Variants in MINAR1 observed in about 807,000 individuals in gnomAD.
The protein encoded by MINAR1 is membrane integral NOTCH2 associated receptor 1, also known as major intrinsically disordered Notch2-binding receptor 1.
In MINAR1, 40 loss-of-function variants were observed where a neutral mutation model predicts 65.1. That is an observed-to-expected ratio of 0.61 (90% confidence interval 0.48 to 0.80). The LOEUF (loss-of-function observed/expected upper bound fraction) is 0.80, where lower values mean the gene tolerates loss of function less well. Ranked by LOEUF, MINAR1 falls within the 30% of genes least tolerant of loss-of-function variation. The pLI is 0.00. For synonymous variants in MINAR1, 482 were observed against 449.1 expected (o/e 1.07, Z -0.93); for missense variants, 1,128 against 1,148.0 (o/e 0.98, Z 0.25).
chr15:79,422,104 T>C, the MINAR1 span: 1 of 152,292 alleles, frequency 6.6e-6, no homozygotes, highest in Non-Finnish European at 1.5e-5. Flanking sequence ...TCACCTCATA[T>C]GACCTTGTGA....
intron 1 of MINAR1, among the ~76,000 whole-genome samples, chr15:79,452,013 G>A (rs1275577893): frequency 6.6e-6 from 1 of 151,934 alleles, no homozygotes; most frequent in African/African-American, 2.4e-5. Context: ...GAGATTGTGA[G>A]TGAGCCTGTG....
intron 1 of MINAR1, among the ~76,000 whole-genome samples, chr15:79,436,016 G>C (rs1432839885): frequency 6.6e-6 from 1 of 152,192 alleles, no homozygotes; most frequent in African/African-American, 2.4e-5. Flanking sequence ...AGAGTCAGCA[G>C]GTGCCTCACC....
At chr15:79,416,039 A>G in the MINAR1 span, 1 of 152,264 alleles carries the variant, frequency 6.6e-6, no homozygotes, top group Non-Finnish European at 1.5e-5. Context: ...AATACACAGT[A>G]TATGATTCCT....
chr15:79,453,292 G>C (rs75567965), intron 1 of MINAR1, among the ~76,000 whole-genome samples: 1 of 152,024 alleles, frequency 6.6e-6, no homozygotes, highest in East Asian at 1.9e-4. Context: ...CCTGGCATGC[G>C]ATTGAGCCTA....
intron 3 of MINAR1, 22 bp downstream of exon 3, chr15:79,463,343 G>C: frequency 6.2e-7 from 1 of 1,607,512 alleles, no homozygotes; most frequent in Non-Finnish European, 8.5e-7. Context: ...ACTGTCCCTG[G>C]GTGGGGGAAG....
intron 1 of MINAR1, among the ~76,000 whole-genome samples, chr15:79,450,531 C>T (rs1248913275): frequency 6.8e-6 from 1 of 147,974 alleles, no homozygotes; most frequent in African/African-American, 2.6e-5. Flanking sequence ...AACTGTCTTC[C>T]TATTAAAAAA....
At chr15:79,440,505 T>A (rs1373236759) in intron 1 of MINAR1, among the ~76,000 whole-genome samples, 8 of 152,164 alleles carry the variant, frequency 5.3e-5, no homozygotes, top group Admixed American at 2.0e-4. Context: ...TTTGGGAAAT[T>A]GTGAGTGTTC....
intron 3 of MINAR1, among the ~76,000 whole-genome samples, chr15:79,467,202 C>T (rs1180665335): frequency 6.6e-6 from 1 of 152,060 alleles, no homozygotes; most frequent in Non-Finnish European, 1.5e-5. Flanking sequence ...GTTTTTTGAG[C>T]CTGTGTTTGT....
intron 1 of MINAR1, among the ~76,000 whole-genome samples, chr15:79,451,621 C>A (rs1395490337): frequency 6.9e-6 from 1 of 143,978 alleles, no homozygotes; most frequent in Non-Finnish European, 1.6e-5. Context: ...ATTTTCGGAT[C>A]TCTGCTGCTC....
chr15:79,413,636 G>A, the MINAR1 span: 1 of 152,238 alleles, frequency 6.6e-6, no homozygotes, highest in Admixed American at 6.5e-5. Context: ...GCTAGGTACT[G>A]GGAGGATACA....
chr15:79,463,819 G>C, intron 3 of MINAR1: 1 of 451,178 alleles, frequency 2.2e-6, no homozygotes, highest in Non-Finnish European at 4.5e-6. Flanking sequence ...CATGTTTTTT[G>C]TTCACCCACA....
chr15:79,439,494 CA>C (rs1293597669), intron 1 of MINAR1, among the ~76,000 whole-genome samples: 1 of 151,054 alleles, frequency 6.6e-6, no homozygotes, highest in East Asian at 1.9e-4. Context: ...TGGTGGCAGT[CA>C]GTCAGGGAAT....
At chr15:79,443,143 G>A (rs1894918742) in intron 1 of MINAR1, among the ~76,000 whole-genome samples, 1 of 152,202 alleles carries the variant, frequency 6.6e-6, no homozygotes. Context: ...CACGGGAGCT[G>A]CACTTAGAAA....
intron 2 of MINAR1, among the ~76,000 whole-genome samples, chr15:79,459,421 G>T (rs1457239368): frequency 6.6e-6 from 1 of 152,194 alleles, no homozygotes; most frequent in Non-Finnish European, 1.5e-5. Flanking sequence ...AGGGTGGTTT[G>T]TTTCTATGGG....
At chr15:79,461,929 C>T (rs1895657610) in intron 2 of MINAR1, among the ~76,000 whole-genome samples, 1 of 152,238 alleles carries the variant, frequency 6.6e-6, no homozygotes, top group Admixed American at 6.5e-5. Flanking sequence ...AGGTCACACA[C>T]ATACACGTGT....
chr15:79,448,405 C>T (rs1325365449), intron 1 of MINAR1, among the ~76,000 whole-genome samples: 2 of 152,168 alleles, frequency 1.3e-5, no homozygotes, highest in Non-Finnish European at 2.9e-5. Flanking sequence ...TTAGAGGTGA[C>T]ACAAACAATG....
At chr15:79,442,391 G>C (rs1242295534) in intron 1 of MINAR1, among the ~76,000 whole-genome samples, 1 of 151,732 alleles carries the variant, frequency 6.6e-6, no homozygotes, top group East Asian at 1.9e-4. Context: ...TATATTGACT[G>C]TTTATCTATA....
Position 79,459,053 on chromosome 15 carries a change from G to A in MINAR1, c.2298+608G>A, listed in dbSNP as rs557339339. 3.3e-5 allele frequency among the ~76,000 whole-genome samples: 5 copies of A among 152,276 alleles called. No homozygotes were observed. The South Asian group carries it at 8.3e-4, about 25-fold the overall frequency. On this transcript the variant is annotated intron_variant, in intron 2 of 3. Coordinates refer to ENST00000305428, the MANE Select transcript of MINAR1 (RefSeq NM_015206.3). ...AAATTAGCCAGGTGTGGTAACACAAGCCTGTAGTCCCAGCTACTTGGGAGG... is the reference window on the plus strand; with the variant it reads ...AAATTAGCCAGGTGTGGTAACACAAACCTGTAGTCCCAGCTACTTGGGAGG...
At chr15:79,418,755 G>A in the MINAR1 span, 1 of 152,368 alleles carries the variant, frequency 6.6e-6, no homozygotes, top group African/African-American at 2.4e-5. Context: ...CCAGCCGGAA[G>A]AGTGGGTATA....
Sources: gnomAD v4.1 joint callset for allele counts (sites outside exome capture counted in the v4.1 genomes callset) on GRCh38, gnomAD v4.1.1 for gene constraint, MANE v1.5 for transcripts, NCBI Gene and HGNC (gene_info 2026-07-23, HGNC 2026-07-21) for gene names.